FRYL: variants seen among roughly 807,000 people sequenced by gnomAD.
FRYL encodes FRY like transcription coactivator, also known as protein furry homolog-like.
FRYL carries 150 observed loss-of-function variants against 351.2 expected under a neutral mutation model. That is an observed-to-expected ratio of 0.43 (90% CI 0.37 to 0.49). The LOEUF (loss-of-function observed/expected upper bound fraction) is 0.49. Ranked by LOEUF, FRYL falls within the 20% of genes least tolerant of loss-of-function variation. The probability of loss-of-function intolerance (pLI) is 0.00; values close to 1 mark genes in which losing one functional copy is unlikely to be tolerated. For synonymous variants in FRYL, 1,153 were observed against 1,257.1 expected, an observed-to-expected ratio of 0.92 and a Z score of 1.75; for missense variants, 3,036 against 3,619.3, an observed-to-expected ratio of 0.84 and a Z score of 4.13.
At chr4:48,730,730 A>G (rs1235457391) in intron 1 of FRYL, among the ~76,000 whole-genome samples, 1 of 152,156 alleles carries the variant, frequency 6.6e-6, no homozygotes, top group Non-Finnish European at 1.5e-5. Context: ...TCCTGAAGGA[A>G]TCACTAAACA....
intron 1 of FRYL, among the ~76,000 whole-genome samples, chr4:48,755,481 C>T (rs1773681090): frequency 1.3e-5 from 2 of 152,190 alleles, no homozygotes; most frequent in Non-Finnish European, 2.9e-5. Context: ...CACATTTCTA[C>T]CTAATTGTAT....
intron 1 of FRYL, among the ~76,000 whole-genome samples, chr4:48,728,074 A>G (rs1471027707): frequency 6.6e-6 from 1 of 152,210 alleles, no homozygotes; most frequent in Non-Finnish European, 1.5e-5. Context: ...CCTTTTACAC[A>G]GTACATCATG....
chr4:48,522,865 G>A (rs1577927911), intron 54 of FRYL, 36 bp downstream of exon 54: 1 of 1,501,484 alleles, frequency 6.7e-7, no homozygotes, highest in Non-Finnish European at 9.3e-7. Context: ...AGGAAAATGA[G>A]ACCAAATGTC....
chr4:48,632,091 AATATAT>A (rs1560753223), intron 4 of FRYL, among the ~76,000 whole-genome samples: 594 of 23,326 alleles, frequency 0.025, 10 homozygotes, highest in African/African-American at 0.029. Flanking sequence ...AAAAAAAAAA[AATATAT>A]ATATATATAT....
chr4:48,614,815 C>CTTTTTTTTTTTT (rs369399363), intron 7 of FRYL, among the ~76,000 whole-genome samples: 1 of 67,930 alleles, frequency 1.5e-5, no homozygotes, highest in African/African-American at 6.0e-5. Context: ...AAGTTTAATG[C>CTTTTTTTTTTTT]TTTTTTTTTT....
intron 45 of FRYL, among the ~76,000 whole-genome samples, chr4:48,541,658 T>C (rs1377555171): frequency 6.6e-6 from 1 of 152,150 alleles, no homozygotes; most frequent in Non-Finnish European, 1.5e-5. Context: ...ATTCTGGGCT[T>C]GCAAGGTAGA....
At chr4:48,597,477 T>C (rs978785430) in intron 13 of FRYL, among the ~76,000 whole-genome samples, 1 of 152,104 alleles carries the variant, frequency 6.6e-6, no homozygotes, top group Non-Finnish European at 1.5e-5. Context: ...AGGGGGATGC[T>C]GATTACGGGG....
chr4:48,659,366 A>G (rs1331140651), intron 3 of FRYL, among the ~76,000 whole-genome samples: 1 of 109,428 alleles, frequency 9.1e-6, no homozygotes, highest in Non-Finnish European at 1.8e-5. Flanking sequence ...AACAAAAAAA[A>G]AGAGAGAGAA....
chr4:48,726,378 A>T (rs1311170032), intron 1 of FRYL, among the ~76,000 whole-genome samples: 1 of 152,174 alleles, frequency 6.6e-6, no homozygotes, highest in African/African-American at 2.4e-5. Flanking sequence ...AGGAGAAGTG[A>T]CCTATAAATT....
At chr4:48,509,202 G>C (rs76858487) in intron 59 of FRYL, among the ~76,000 whole-genome samples, 3,645 of 152,170 alleles carry the variant, frequency 0.024, 64 homozygotes, top group Admixed American at 0.045. Context: ...AATAATCTTC[G>C]CAATACATAC....
rs1560731194 is a variant in FRYL, at chr4:48,620,646, A to C, written c.307T>G (p.Ser103Ala). The change falls in exon 6 of 64, where the codon TCT becomes GCT. Residue 103 changes from serine to alanine, a missense_variant. Transcript: ENST00000358350. ...YEYRPRSSTK[S>A]KGDEQQRERD... The stretch of plus-strand genomic sequence containing the variant: ...GTAAAATAAAGCACTTACCCCTTAG[A>C]CTTTGTGCTAGACCGAGGCCTATAT... The C allele has an allele frequency of 1.9e-6, 3 of 1,612,380 alleles. No homozygotes were observed. Among genetic ancestry groups the C allele is most frequent in the Non-Finnish European group, 1.7e-6 (2 of 1,178,864 alleles).
chr4:48,499,688 T>C lies in FRYL; in HGVS notation c.8784-8A>G. 1 of 1,611,060 alleles carries C rather than the reference T, an allele frequency of 6.2e-7. No individual in the cohort carries two copies. Among genetic ancestry groups the C allele is most frequent in the Non-Finnish European group, 8.5e-7 (1 of 1,178,128 alleles). Reference sequence around the variant, plus strand: ...TCACTGGGCCAGAGAGATCTGAAAATACACAATAGTTTTTCAGTTCTGAGA... The same window carrying C: ...TCACTGGGCCAGAGAGATCTGAAAACACACAATAGTTTTTCAGTTCTGAGA... On this transcript the variant is annotated splice_polypyrimidine_tract_variant and splice_region_variant and intron_variant, in intron 63 of 63. Transcript: ENST00000358350.
At chr4:48,598,736 G>T in intron 13 of FRYL, 1 of 356,104 alleles carries the variant, frequency 2.8e-6, no homozygotes, top group Non-Finnish European at 3.9e-6. Flanking sequence ...AAATACATTA[G>T]ACATGCAATG....
chr4:48,510,302 C>G, intron 58 of FRYL, 145 bp from the exon 59 acceptor site: 1 of 659,696 alleles, frequency 1.5e-6, no homozygotes, highest in Non-Finnish European at 2.7e-6. Flanking sequence ...ATACTTAGAG[C>G]TGAGCTCTCA....
At chr4:48,586,832 T>A in intron 18 of FRYL, 104 bp from the exon 19 acceptor site, 1 of 667,762 alleles carries the variant, frequency 1.5e-6, no homozygotes, top group South Asian at 1.8e-5. Context: ...TCCCCTAAAG[T>A]TCAATGTATT....
intron 49 of FRYL, 129 bp from the exon 50 acceptor site, chr4:48,531,482 C>A: frequency 1.5e-6 from 1 of 650,506 alleles, no homozygotes; most frequent in Non-Finnish European, 2.7e-6. Context: ...TTTGAAGATC[C>A]TTAATGAAAG....
Position 48,609,839 on chromosome 4 carries a change from A to G in FRYL, c.412-16T>C. ...GAACAGGAATCTAGAATTTAAAAAA[A>G]TTATCAAGTAAGAGTTAAATTATTG... On this transcript the variant is annotated splice_polypyrimidine_tract_variant and intron_variant, in intron 7 of 63. Transcript: ENST00000358350. The G allele has an allele frequency of 7.1e-7, 1 of 1,416,024 alleles. No individual in the cohort carries two copies. Among genetic ancestry groups the G allele is most frequent in the Non-Finnish European group, 9.8e-7 (1 of 1,023,772 alleles). 87.7% of individuals were successfully genotyped at this position (1,416,024 alleles called of 1,614,324 possible). A position where few individuals can be genotyped will look rare whatever the true frequency, so the allele number is the denominator to read the frequency against.
At chr4:48,753,511 T>C (rs1179941751) in intron 1 of FRYL, among the ~76,000 whole-genome samples, 2 of 152,200 alleles carry the variant, frequency 1.3e-5, no homozygotes, top group African/African-American at 4.8e-5. Flanking sequence ...TTTATCTTTT[T>C]ATTACTGAGT....
intron 33 of FRYL, among the ~76,000 whole-genome samples, chr4:48,560,822 CTA>C (rs1283263146): frequency 1.3e-5 from 2 of 152,180 alleles, no homozygotes; most frequent in East Asian, 3.8e-4. Context: ...GGGAAATAAA[CTA>C]TTTCTATTGC....
Sources: allele counts gnomAD v4.1 joint callset (sites outside exome capture counted in the v4.1 genomes callset), GRCh38; gene constraint gnomAD v4.1.1; transcripts MANE v1.5; gene names NCBI Gene and HGNC (gene_info 2026-07-23, HGNC 2026-07-21).